Variants in ABAT observed in about 807,000 individuals in gnomAD.
ABAT encodes 4-aminobutyrate aminotransferase.
A neutral mutation model predicts 64.6 loss-of-function variants in ABAT; 45 were observed. The observed-to-expected ratio is 0.70, with a 90% CI of 0.55 to 0.89. The LOEUF (loss-of-function observed/expected upper bound fraction) is 0.89. Among genes scored for constraint, ABAT ranks in the 40% least tolerant of loss-of-function variants. ABAT has a pLI of 0.00. For synonymous variants in ABAT, 297 were observed against 250.5 expected, an observed-to-expected ratio of 1.19 and a Z score of -1.75; for missense variants, 633 against 658.4, an observed-to-expected ratio of 0.96 and a Z score of 0.42.
intron 9 of ABAT, among the ~76,000 whole-genome samples, chr16:8,767,570 C>T (rs2059980427): frequency 6.6e-6 from 1 of 152,222 alleles, no homozygotes; most frequent in Admixed American, 6.5e-5. Flanking sequence ...GCAGTGGGTA[C>T]TGCTTGGCCA....
At chr16:8,685,725 A>C (rs1263212276) in intron 1 of ABAT, among the ~76,000 whole-genome samples, 1 of 152,058 alleles carries the variant, frequency 6.6e-6, no homozygotes, top group East Asian at 1.9e-4. Context: ...AAACAAAAAA[A>C]CAAAAAACCA....
chr16:8,747,562 T>G (rs2059369498), intron 3 of ABAT, among the ~76,000 whole-genome samples: 1 of 152,198 alleles, frequency 6.6e-6, no homozygotes, highest in Non-Finnish European at 1.5e-5. Context: ...ATATATAATT[T>G]TATGACACTA....
In ABAT at chr16:8,781,514, A is replaced by G. The variant is rs752091491; in HGVS notation, c.*84A>G. 8 of 1,588,346 alleles carry G rather than the reference A, an allele frequency of 5.0e-6. No homozygotes were observed. Among genetic ancestry groups the G allele is most frequent in the Non-Finnish European group, 6.9e-6 (8 of 1,161,280 alleles). The stretch of plus-strand genomic sequence containing the variant: ...GTTTGCCTAATTCATGTTTTCACTT[A>G]AAAGTATCAGAGGTGAATGCACAGT... On this transcript the variant is annotated 3_prime_UTR_variant, in exon 16 of 16. Transcript: ENST00000268251. The surrounding 1 kb of genome is among the most constrained non-coding windows in gnomAD (Gnocchi z 4.5).
At chr16:8,741,613 A>G (rs950961690) in intron 2 of ABAT, among the ~76,000 whole-genome samples, 16 of 152,258 alleles carry the variant, frequency 1.1e-4, no homozygotes, top group African/African-American at 3.1e-4. Context: ...GTGTCTTCAT[A>G]GATGAGATCC....
At chr16:8,684,427 G>A (rs2057405971) in intron 1 of ABAT, among the ~76,000 whole-genome samples, 1 of 152,036 alleles carries the variant, frequency 6.6e-6, no homozygotes, top group Admixed American at 6.5e-5. Context: ...ACTAAAATTA[G>A]CCGGGCATGG....
intron 11 of ABAT, among the ~76,000 whole-genome samples, chr16:8,769,216 T>A (rs1371354295): frequency 6.6e-6 from 1 of 152,184 alleles, no homozygotes; most frequent in Non-Finnish European, 1.5e-5. Context: ...TCTGTATCAC[T>A]TAAGTTTCTT....
At chr16:8,769,206 T>G (rs1461461383) in intron 11 of ABAT, among the ~76,000 whole-genome samples, 1 of 152,204 alleles carries the variant, frequency 6.6e-6, no homozygotes, top group African/African-American at 2.4e-5. Context: ...GATACCAATT[T>G]CTGTATCACT....
chr16:8,684,418 C>T (rs951067247), intron 1 of ABAT, among the ~76,000 whole-genome samples: 1 of 152,054 alleles, frequency 6.6e-6, no homozygotes, highest in African/African-American at 2.4e-5. Flanking sequence ...ACAAAAAATA[C>T]TAAAATTAGC....
At chr16:8,750,843 A>C (rs1222377014) in intron 5 of ABAT, among the ~76,000 whole-genome samples, 1 of 152,094 alleles carries the variant, frequency 6.6e-6, no homozygotes, top group Non-Finnish European at 1.5e-5. Context: ...TCATAGCTAG[A>C]ATGCAAACCC....
At chr16:8,719,252 G>T (rs2058297453) in intron 1 of ABAT, among the ~76,000 whole-genome samples, 1 of 152,330 alleles carries the variant, frequency 6.6e-6, no homozygotes, top group African/African-American at 2.4e-5. Context: ...GTTGGCCCGG[G>T]TAGCTACTTC....
At chr16:8,712,283 G>A (rs1175807269) in intron 1 of ABAT, among the ~76,000 whole-genome samples, 2 of 152,112 alleles carry the variant, frequency 1.3e-5, no homozygotes, top group Admixed American at 1.3e-4. Context: ...ATTACCAAGT[G>A]CTTACTTTTA....
intron 1 of ABAT, among the ~76,000 whole-genome samples, chr16:8,723,808 T>TA (rs1397554935): frequency 7.3e-4 from 47 of 63,964 alleles, no homozygotes; most frequent in Middle Eastern, 6.1e-3. Flanking sequence ...ATCCAAGCTT[T>TA]TTATATATAT....
At chr16:8,684,092 G>A (rs1431084844) in intron 1 of ABAT, among the ~76,000 whole-genome samples, 1 of 152,168 alleles carries the variant, frequency 6.6e-6, no homozygotes, top group East Asian at 1.9e-4. Flanking sequence ...CCGAAGGTGT[G>A]TGGGAGTGAA....
intron 1 of ABAT, among the ~76,000 whole-genome samples, chr16:8,731,910 G>C (rs915475060): frequency 1.2e-4 from 18 of 152,026 alleles, no homozygotes; most frequent in Non-Finnish European, 2.6e-4. Flanking sequence ...CTGGAGTGCA[G>C]TGGTGCGATC....
chr16:8,757,278 C>G, intron 5 of ABAT: 1 of 408,650 alleles, frequency 2.4e-6, no homozygotes, highest in South Asian at 1.8e-5. Flanking sequence ...AGAGATTCTT[C>G]TGCCTCAGCC....
At chr16:8,717,051 A>G (rs1294482752) in intron 1 of ABAT, among the ~76,000 whole-genome samples, 1 of 152,220 alleles carries the variant, frequency 6.6e-6, no homozygotes. Flanking sequence ...GCACTTTGGG[A>G]GGCCAAGGCG....
chr16:8,753,905 G>C (rs1431815833), intron 5 of ABAT, among the ~76,000 whole-genome samples: 1 of 152,022 alleles, frequency 6.6e-6, no homozygotes, highest in Non-Finnish European at 1.5e-5. Context: ...CCTGGGTGAT[G>C]CCAGGTCTTT....
chr16:8,736,472 C>G (rs12445609), intron 2 of ABAT: 79,243 of 153,222 alleles, frequency 0.52, 21,672 homozygotes, highest in Admixed American at 0.61. Context: ...CAGGCCATCT[C>G]TGCAGGGACC....
At position 8,764,866 on chromosome 16, in the gene ABAT, G is replaced by A. The variant is rs1405472217; in HGVS notation, c.540+36G>A. The A allele has an allele frequency of 1.1e-5, 14 of 1,297,760 alleles. No individual in the cohort carries two copies. In the South Asian group the frequency reaches 1.8e-4, roughly 17 times the overall value. 80.4% of individuals were successfully genotyped at this position (1,297,760 alleles called of 1,614,324 possible). On this transcript the variant is annotated intron_variant, in intron 8 of 15. Coordinates refer to ENST00000268251, the MANE Select transcript of ABAT (RefSeq NM_020686.6). The surrounding 1 kb of genome is among the most constrained non-coding windows in gnomAD (Gnocchi z 4.2). ...GGGCACACACACACACACACACACA[G>A]GCTCCCCAGCACCCAGCCACACGCT...
Sources: gnomAD v4.1 joint callset for allele counts (sites outside exome capture counted in the v4.1 genomes callset) on GRCh38, gnomAD v4.1.1 for gene constraint, Gnocchi (gnomAD v3.1) non-coding constraint, MANE v1.5 for transcripts, NCBI Gene and HGNC (gene_info 2026-07-23, HGNC 2026-07-21) for gene names.